The following CPNE5 variants were observed in gnomAD, a reference collection of about 807,000 sequenced individuals.
The protein encoded by CPNE5 is copine-5.
CPNE5 carries 42 observed loss-of-function variants against 81.1 expected under a neutral mutation model. The ratio of observed to expected loss-of-function variants is 0.52; its 90% confidence interval spans 0.40 to 0.67. The LOEUF (loss-of-function observed/expected upper bound fraction) is 0.67. Among genes scored for constraint, CPNE5 ranks in the 30% least tolerant of loss-of-function variants. The pLI is 0.00. For missense variants in CPNE5, 612 were observed against 815.5 expected (o/e 0.75, Z 3.04); for synonymous variants, 313 against 321.5 (o/e 0.97, Z 0.28).
chr6:36,759,101 C>T (rs910347824), intron 12 of CPNE5, among the ~76,000 whole-genome samples: 2 of 152,214 alleles, frequency 1.3e-5, no homozygotes, highest in Admixed American at 1.3e-4. Flanking sequence ...CATAGCCCTC[C>T]CAGCTGGGGA....
At chr6:36,821,233 CG>C (rs1772022027) in intron 3 of CPNE5, among the ~76,000 whole-genome samples, 1 of 147,536 alleles carries the variant, frequency 6.8e-6, no homozygotes, top group Non-Finnish European at 1.5e-5. Context: ...GAGGCGGGGG[CG>C]GGCCGTGTGA....
rs1335300655 is a variant in CPNE5, at chr6:36,794,696, C to T, written c.405-47G>A. 5 of 1,567,736 alleles carry T rather than the reference C, an allele frequency of 3.2e-6. No individual in the cohort carries two copies. The South Asian group carries it at 5.6e-5, about 18-fold the overall frequency. On this transcript the variant is annotated intron_variant, in intron 6 of 20. Transcript: ENST00000244751. ...GAGAGCATGCCATGAGCTGAGTACC[C>T]CCACCCAGACAGGCCAGCGCACTTG...
At chr6:36,827,104 C>T (rs185915976) in intron 1 of CPNE5, among the ~76,000 whole-genome samples, 29 of 152,258 alleles carry the variant, frequency 1.9e-4, no homozygotes, top group African/African-American at 6.0e-4. Flanking sequence ...GAAGCCCGCC[C>T]CCAACACACT....
intron 3 of CPNE5, among the ~76,000 whole-genome samples, chr6:36,816,151 G>A (rs1383951791): frequency 6.6e-6 from 1 of 152,142 alleles, no homozygotes; most frequent in Non-Finnish European, 1.5e-5. Flanking sequence ...AACTCACCTA[G>A]GTCACACAGT....
intron 3 of CPNE5, among the ~76,000 whole-genome samples, chr6:36,818,226 C>A (rs1771731262): frequency 6.6e-6 from 1 of 152,174 alleles, no homozygotes; most frequent in African/African-American, 2.4e-5. Context: ...TCCAAATGAC[C>A]TGTCAAAATG....
chr6:36,771,326 G>A (rs898383116), intron 10 of CPNE5, among the ~76,000 whole-genome samples: 14 of 152,134 alleles, frequency 9.2e-5, no homozygotes, highest in African/African-American at 3.1e-4. Context: ...CCAGGCTGCC[G>A]GGGTCCACAT....
At chr6:36,832,389 A>C (rs1363924080) in intron 1 of CPNE5, among the ~76,000 whole-genome samples, 1 of 152,174 alleles carries the variant, frequency 6.6e-6, no homozygotes, top group African/African-American at 2.4e-5. Flanking sequence ...AGGAGTGCAC[A>C]TGAGACCCAG....
intron 20 of CPNE5, 64 bp downstream of exon 20, chr6:36,743,625 T>G: frequency 4.4e-5 from 66 of 1,497,244 alleles, no homozygotes; most frequent in Non-Finnish European, 5.9e-5. Context: ...AAAGGGGGTG[T>G]GAGGTCCGCC....
At chr6:36,819,658 A>G (rs1771868408) in intron 3 of CPNE5, among the ~76,000 whole-genome samples, 1 of 152,178 alleles carries the variant, frequency 6.6e-6, no homozygotes. Context: ...CCTCACCCTC[A>G]GGCTCTTGTC....
chr6:36,765,232 A>T, intron 11 of CPNE5, 103 bp downstream of exon 11: 10 of 1,215,512 alleles, frequency 8.2e-6, no homozygotes, highest in Non-Finnish European at 1.0e-5. Context: ...CCCCAGAGCC[A>T]CTGCGGGGGG....
chr6:36,760,469 G>C (rs1188331880), intron 12 of CPNE5, among the ~76,000 whole-genome samples: 6 of 152,170 alleles, frequency 3.9e-5, no homozygotes, highest in Non-Finnish European at 7.3e-5. Context: ...GCTGGTTACT[G>C]TGTAGAGGAC....
chr6:36,839,249 C>T lies in CPNE5; in HGVS notation c.95+34G>A. On this transcript the variant is annotated intron_variant, in intron 1 of 20. Transcript: ENST00000244751. This position sits in a 1 kb window ranked among gnomAD's most constrained non-coding sequence, Gnocchi z 7.3. ...GGCCGCGGGGCTCTGCGTCCAGGGC[C>T]GGGGCAAGGGGACCCGGCCAGCGGG... 2.0e-6 allele frequency: 3 copies of T among 1,466,632 alleles called. No homozygotes were observed. Among genetic ancestry groups the T allele is most frequent in the Admixed American group, 2.2e-5 (1 of 46,360 alleles). The allele number at this position is 1,466,632 out of a possible 1,614,324, so 90.9% of individuals were successfully genotyped here. A position where few individuals can be genotyped will look rare whatever the true frequency, so the allele number is the denominator to read the frequency against.
intron 14 of CPNE5, among the ~76,000 whole-genome samples, chr6:36,749,417 T>G (rs1764553443): frequency 6.6e-6 from 1 of 152,210 alleles, no homozygotes; most frequent in African/African-American, 2.4e-5. Flanking sequence ...ATTGGGGAGA[T>G]GTAAACATTT....
intron 11 of CPNE5, among the ~76,000 whole-genome samples, chr6:36,764,055 G>C (rs1372483762): frequency 1.3e-5 from 2 of 152,030 alleles, no homozygotes; most frequent in Admixed American, 6.6e-5. Flanking sequence ...GGAGACTGAT[G>C]CCCAAGAGGT....
intron 12 of CPNE5, chr6:36,757,212 G>C (rs1425953424): frequency 7.8e-6 from 4 of 514,936 alleles, no homozygotes; most frequent in Non-Finnish European, 1.0e-5. Context: ...TCTTTGTTTT[G>C]TTTTTAATAA....
intron 1 of CPNE5, among the ~76,000 whole-genome samples, chr6:36,833,550 G>T (rs1231109707): frequency 6.6e-6 from 1 of 152,232 alleles, no homozygotes; most frequent in Non-Finnish European, 1.5e-5. Flanking sequence ...TGACCTTGAA[G>T]AAATGAGCTG....
intron 10 of CPNE5, among the ~76,000 whole-genome samples, chr6:36,770,958 C>T (rs897647949): frequency 2.6e-5 from 4 of 152,122 alleles, no homozygotes; most frequent in African/African-American, 4.8e-5. Flanking sequence ...CCATTTCTGT[C>T]GGTGGTGCCA....
At chr6:36,788,565 C>T (rs1374510671) in intron 8 of CPNE5, among the ~76,000 whole-genome samples, 1 of 144,120 alleles carries the variant, frequency 6.9e-6, no homozygotes, top group Non-Finnish European at 1.5e-5. Context: ...GCCCCCCAGC[C>T]TTGCAGTCAG....
chr6:36,833,608 G>C (rs1296007275), intron 1 of CPNE5, among the ~76,000 whole-genome samples: 32 of 152,362 alleles, frequency 2.1e-4, no homozygotes, highest in Admixed American at 2.1e-3. Context: ...GTGGACTCTA[G>C]GAGCTGAGAG....
Sources: gnomAD v4.1 joint callset for allele counts (sites outside exome capture counted in the v4.1 genomes callset) on GRCh38, gnomAD v4.1.1 for gene constraint, Gnocchi (gnomAD v3.1) non-coding constraint, MANE v1.5 for transcripts, NCBI Gene and HGNC (gene_info 2026-07-23, HGNC 2026-07-21) for gene names.